Variants in IL1RAPL1 observed in about 807,000 individuals in gnomAD.
IL1RAPL1 encodes interleukin-1 receptor accessory protein-like 1.
A neutral mutation model predicts 48.4 loss-of-function variants in IL1RAPL1; 3 were observed. That is an observed-to-expected ratio of 0.06 (90% CI 0.03 to 0.16). The LOEUF (loss-of-function observed/expected upper bound fraction) is 0.16, where lower values mean the gene tolerates loss of function less well. IL1RAPL1 is among the 10% of genes least tolerant of loss of function. IL1RAPL1 has a pLI of 1.00. For missense variants in IL1RAPL1, 349 were observed against 530.6 expected (o/e 0.66, Z 3.36); for synonymous variants, 185 against 187.7 (o/e 0.99, Z 0.12).
At chrX:29,490,865 T>TATATACGTATATATATATATATACG (rs778859346) in intron 5 of IL1RAPL1, among the ~76,000 whole-genome samples, 1 of 107,613 alleles carries the variant, frequency 9.3e-6, no homozygotes, top group African/African-American at 3.5e-5. Flanking sequence ...TATATATATA[T>TATATACGTATATATATATATATACG]TCTGAGTGTG....
intron 5 of IL1RAPL1, among the ~76,000 whole-genome samples, chrX:29,598,451 G>C (rs1054974049): frequency 2.7e-5 from 3 of 111,697 alleles, no homozygotes; most frequent in African/African-American, 6.5e-5. Flanking sequence ...CTATTATGTG[G>C]TCTATCTTGG....
chrX:29,535,272 C>T (rs1188306483), intron 5 of IL1RAPL1, among the ~76,000 whole-genome samples: 11 of 109,562 alleles, frequency 1.0e-4, no homozygotes, highest in Admixed American at 5.8e-4. Context: ...TACCTTTTTA[C>T]AGATTAAGTA....
At chrX:29,862,766 CATTT>C (rs1171305680) in intron 6 of IL1RAPL1, among the ~76,000 whole-genome samples, 1 of 109,589 alleles carries the variant, frequency 9.1e-6, no homozygotes, top group Admixed American at 9.8e-5. Flanking sequence ...TATCGGTAGA[CATTT>C]ATTACTGGCT....
intron 6 of IL1RAPL1, among the ~76,000 whole-genome samples, chrX:29,915,388 C>T (rs1334481358): frequency 9.0e-6 from 1 of 111,442 alleles, no homozygotes; most frequent in African/African-American, 3.3e-5. Flanking sequence ...CTATATCATG[C>T]CATATTAGAA....
At chrX:29,276,168 G>T (rs1442032648) in intron 2 of IL1RAPL1, among the ~76,000 whole-genome samples, 2 of 111,598 alleles carry the variant, frequency 1.8e-5, no homozygotes, top group African/African-American at 6.5e-5. Context: ...TCATCATGTT[G>T]ATATTTAATC....
intron 8 of IL1RAPL1, among the ~76,000 whole-genome samples, chrX:29,931,072 T>C (rs1285477574): frequency 1.8e-5 from 2 of 111,571 alleles, no homozygotes; most frequent in African/African-American, 6.5e-5. Flanking sequence ...TAAGGAACCA[T>C]TTACTGCTCC....
At chrX:28,903,973 A>G (rs1255541753) in intron 2 of IL1RAPL1, among the ~76,000 whole-genome samples, 1 of 110,068 alleles carries the variant, frequency 9.1e-6, no homozygotes, top group East Asian at 2.8e-4. Flanking sequence ...TATGTGTGTA[A>G]TATATAACCT....
At chrX:28,770,294 T>C (rs1434676494) in intron 1 of IL1RAPL1, among the ~76,000 whole-genome samples, 1 of 111,067 alleles carries the variant, frequency 9.0e-6, no homozygotes, top group Non-Finnish European at 1.9e-5. Flanking sequence ...GAAGAAAGGA[T>C]GTAAAATTAC....
chrX:29,688,858 G>T (rs1926704144), intron 6 of IL1RAPL1, among the ~76,000 whole-genome samples: 1 of 104,650 alleles, frequency 9.6e-6, no homozygotes, highest in Non-Finnish European at 1.9e-5. Context: ...TTTAGCCCTT[G>T]AAGTTACCAA....
At chrX:29,106,365 G>C (rs1928446553) in intron 2 of IL1RAPL1, among the ~76,000 whole-genome samples, 1 of 110,917 alleles carries the variant, frequency 9.0e-6, no homozygotes, top group Non-Finnish European at 1.9e-5. Flanking sequence ...AAATTCTTAA[G>C]GGCAACAGGG....
At chrX:28,701,019 T>C (rs1935289224) in intron 1 of IL1RAPL1, among the ~76,000 whole-genome samples, 1 of 111,866 alleles carries the variant, frequency 8.9e-6, no homozygotes, top group Admixed American at 9.5e-5. Flanking sequence ...AACATATGCG[T>C]GCATGTGTCT....
chrX:28,701,480 T>G (rs1408326972), intron 1 of IL1RAPL1, among the ~76,000 whole-genome samples: 1 of 112,166 alleles, frequency 8.9e-6, no homozygotes, highest in Non-Finnish European at 1.9e-5. Context: ...TGTAAGAAAT[T>G]ACAAGAATAC....
At chrX:29,801,061 A>C (rs1929884618) in intron 6 of IL1RAPL1, among the ~76,000 whole-genome samples, 3 of 86,508 alleles carry the variant, frequency 3.5e-5, no homozygotes, top group African/African-American at 1.3e-4. Context: ...AAAAAAAAAA[A>C]AAAAAAAAAA....
intron 5 of IL1RAPL1, among the ~76,000 whole-genome samples, chrX:29,467,912 G>C (rs1024224547): frequency 4.5e-5 from 5 of 111,376 alleles, no homozygotes; most frequent in African/African-American, 1.6e-4. Context: ...CCAGGCTGGA[G>C]TGCAGTGGCA....
intron 3 of IL1RAPL1, among the ~76,000 whole-genome samples, chrX:29,350,718 G>A (rs1315004296): frequency 9.1e-6 from 1 of 110,010 alleles, no homozygotes; most frequent in African/African-American, 3.3e-5. Flanking sequence ...CTTGTGACTC[G>A]GAACTGGAAT....
intron 1 of IL1RAPL1, among the ~76,000 whole-genome samples, chrX:28,691,925 G>C (rs982346088): frequency 9.0e-6 from 1 of 111,208 alleles, no homozygotes; most frequent in Non-Finnish European, 1.9e-5. Context: ...TTTGGCTCAT[G>C]ATTCTGCAGG....
chrX:28,994,359 G>A (rs751839009), intron 2 of IL1RAPL1, among the ~76,000 whole-genome samples: 56 of 111,805 alleles, frequency 5.0e-4, no homozygotes, highest in Non-Finnish European at 8.3e-4. Context: ...TTATTTCAAA[G>A]ACGACCCTGT....
At chrX:28,756,630 C>T (rs1412535984) in intron 1 of IL1RAPL1, among the ~76,000 whole-genome samples, 1 of 111,981 alleles carries the variant, frequency 8.9e-6, no homozygotes, top group African/African-American at 3.2e-5. Context: ...AACGGTGTCA[C>T]AGTATGTTTA....
At chrX:28,827,032 T>C (rs2147284045) in intron 2 of IL1RAPL1, among the ~76,000 whole-genome samples, 1 of 111,499 alleles carries the variant, frequency 9.0e-6, no homozygotes, top group Non-Finnish European at 1.9e-5. Flanking sequence ...GATAATTAAA[T>C]TGAATTTATT....
Sources: gnomAD v4.1 joint callset for allele counts (sites outside exome capture counted in the v4.1 genomes callset) on GRCh38, gnomAD v4.1.1 for gene constraint, MANE v1.5 for transcripts, NCBI Gene and HGNC (gene_info 2026-07-23, HGNC 2026-07-21) for gene names.